RNF43: variants seen among roughly 807,000 people sequenced by gnomAD.
RNF43 encodes E3 ubiquitin-protein ligase RNF43.
In RNF43, 37 loss-of-function variants were observed where a neutral mutation model predicts 78.4. The ratio of observed to expected loss-of-function variants is 0.47; its 90% CI spans 0.36 to 0.62. The LOEUF (loss-of-function observed/expected upper bound fraction) is 0.62. RNF43 is among the 20% of genes least tolerant of loss of function. The pLI, the probability that RNF43 is intolerant of heterozygous loss-of-function variation, is 0.00. For synonymous variants in RNF43, 347 were observed against 395.0 expected (o/e 0.88, Z 1.44); for missense variants, 774 against 1,007.9 (o/e 0.77, Z 3.14).
chr17:58,393,135 C>T (rs148815777), intron 2 of RNF43, among the ~76,000 whole-genome samples: 4 of 152,290 alleles, frequency 2.6e-5, no homozygotes, highest in East Asian at 1.9e-4. Context: ...GGGCCAGGCA[C>T]GGTGACTTAT....
rs994944523 is a variant in RNF43, at chr17:58,354,863, T to C, written c.*80A>G. The C allele has an allele frequency of 1.6e-5, 20 of 1,284,490 alleles. No homozygotes were observed. The African/African-American group carries it at 2.8e-4, about 18-fold the overall frequency. The allele number at this position is 1,284,490 out of a possible 1,614,324, so 79.6% of individuals were successfully genotyped here. ...TGGTGTTTGCTGTGGTCCTTTCCTT[T>C]CCCAGGAGCAGGACTCTGTGCCAGG... On this transcript the variant is annotated 3_prime_UTR_variant, in exon 10 of 10. Coordinates refer to ENST00000407977, the MANE Select transcript of RNF43 (RefSeq NM_017763.6).
intron 2 of RNF43, among the ~76,000 whole-genome samples, chr17:58,398,229 G>A (rs1185728827): frequency 1.3e-5 from 2 of 152,094 alleles, no homozygotes; most frequent in Non-Finnish European, 2.9e-5. Context: ...CAATGTATTG[G>A]TGCACTTTCC....
intron 2 of RNF43, among the ~76,000 whole-genome samples, chr17:58,383,909 C>A (rs1371999327): frequency 6.6e-6 from 1 of 152,198 alleles, no homozygotes; most frequent in African/African-American, 2.4e-5. Flanking sequence ...TGAGCTACTG[C>A]GCCCAGCTAA....
Position 58,354,861 on chromosome 17 carries a change from T to C in RNF43, c.*82A>G. The C allele has an allele frequency of 7.8e-7, 1 of 1,277,110 alleles. No individual in the cohort carries two copies. The allele number at this position is 1,277,110 out of a possible 1,614,324, so 79.1% of individuals were successfully genotyped here. ...AATGGTGTTTGCTGTGGTCCTTTCC[T>C]TTCCCAGGAGCAGGACTCTGTGCCA... On this transcript the variant is annotated 3_prime_UTR_variant, in exon 10 of 10. Transcript: ENST00000407977.
At chr17:58,378,011 G>A (rs921591243) in intron 2 of RNF43, among the ~76,000 whole-genome samples, 3 of 152,058 alleles carry the variant, frequency 2.0e-5, no homozygotes, top group Non-Finnish European at 4.4e-5. Flanking sequence ...TCCGGATCCC[G>A]GCACCAGAAT....
At chr17:58,406,616 T>C (rs571741608) in intron 2 of RNF43, among the ~76,000 whole-genome samples, 3 of 152,264 alleles carry the variant, frequency 2.0e-5, no homozygotes, top group East Asian at 3.9e-4. Context: ...AGATCATCAA[T>C]ATAATTCCAG....
chr17:58,359,496 C>A (rs976990245), intron 8 of RNF43, among the ~76,000 whole-genome samples: 31 of 151,576 alleles, frequency 2.0e-4, no homozygotes, highest in African/African-American at 7.3e-4. Context: ...CCCAGCTACT[C>A]CGGAGGCTGA....
At chr17:58,414,118 TAGCAA>T (rs1224361644) in intron 2 of RNF43, among the ~76,000 whole-genome samples, 7 of 152,242 alleles carry the variant, frequency 4.6e-5, no homozygotes, top group Non-Finnish European at 8.8e-5. Context: ...TTTTTCTAAA[TAGCAA>T]AGCCTTCCAT....
chr17:58,396,903 T>C (rs1973693176), intron 2 of RNF43, among the ~76,000 whole-genome samples: 1 of 152,174 alleles, frequency 6.6e-6, no homozygotes, highest in African/African-American at 2.4e-5. Flanking sequence ...CAAATAATTC[T>C]CTGTCACTGG....
At chr17:58,371,960 G>C (rs1468875754) in intron 2 of RNF43, among the ~76,000 whole-genome samples, 1 of 152,214 alleles carries the variant, frequency 6.6e-6, no homozygotes, top group African/African-American at 2.4e-5. Flanking sequence ...AAATGTCAGA[G>C]TGCAATGAGA....
chr17:58,383,720 C>T (rs1013234160), intron 2 of RNF43, among the ~76,000 whole-genome samples: 2 of 152,186 alleles, frequency 1.3e-5, no homozygotes, highest in African/African-American at 2.4e-5. Context: ...CGCGTTCAAG[C>T]GATTCTCCAG....
chr17:58,369,066 C>CAT (rs1973020717), intron 3 of RNF43, among the ~76,000 whole-genome samples: 1 of 150,678 alleles, frequency 6.6e-6, no homozygotes, highest in Admixed American at 6.6e-5. Context: ...CTCTCTCTCT[C>CAT]ATACACACAC....
intron 3 of RNF43, among the ~76,000 whole-genome samples, chr17:58,365,135 T>C (rs1474776538): frequency 6.6e-6 from 1 of 152,186 alleles, no homozygotes; most frequent in Admixed American, 6.5e-5. Context: ...GGTTCATGGC[T>C]TCCATCTTCC....
rs577088818 is a variant in RNF43 at position 58,355,868 on chromosome 17, T to G, written c.2309-882A>C. On this transcript the variant is annotated intron_variant, in intron 9 of 9. Transcript: ENST00000407977. ...AGGGAAGAGCTAGGAGGCTCCTGCA[T>G]GGATCTTTAGGGTATACCTAAGACA... is the stretch of plus-strand genomic sequence containing the variant. 3.9e-5 allele frequency among the ~76,000 whole-genome samples: 6 copies of G among 152,340 alleles called. 1 individual carries two copies. In the South Asian group the frequency reaches 1.2e-3, roughly 32 times the overall value.
rs562866446 is a variant in RNF43 at position 58,357,045 on chromosome 17, C to T, written c.2308+423G>A. On this transcript the variant is annotated intron_variant, in intron 9 of 9. Transcript: ENST00000407977. The surrounding 1 kb of genome is among the most constrained non-coding windows in gnomAD (Gnocchi z 4.5). ...AGTAGCTGGGATTATAAGTGCCCGC[C>T]ACCATACCCGGCTAATTTTTGTATT... 3 of 603,266 alleles carry T rather than the reference C, an allele frequency of 5.0e-6. No homozygotes were observed. Among genetic ancestry groups the T allele is most frequent in the East Asian group, 2.8e-5 (1 of 36,286 alleles). 37.4% of individuals were successfully genotyped at this position (603,266 alleles called of 1,614,324 possible).
At chr17:58,362,768 C>T (rs927618216) in intron 5 of RNF43, 120 bp from the exon 6 acceptor site, 8 of 692,846 alleles carry the variant, frequency 1.2e-5, no homozygotes, top group African/African-American at 1.1e-4. Flanking sequence ...AGTCCTCCAT[C>T]TGAGGGGATG....
At position 58,360,168 on chromosome 17, in the gene RNF43, G is replaced by C. The variant is rs998176403; in HGVS notation, c.933C>G (p.Leu311=). The change falls in exon 8 of 10, where the codon CTC becomes CTG. Residue 311 remains leucine (L), a synonymous_variant. Coordinates refer to ENST00000407977, the MANE Select transcript of RNF43 (RefSeq NM_017763.6). This position sits in a 1 kb window ranked among gnomAD's most constrained non-coding sequence, Gnocchi z 4.3. ...PWLHQHRTCP[L]CMFNITEGDS... Reference sequence around the variant, plus strand: ...TCCTACCTGTGATGTTGAACATGCAGAGGGGGCAAGTCCGATGCTGATGTA... The same window carrying C: ...TCCTACCTGTGATGTTGAACATGCACAGGGGGCAAGTCCGATGCTGATGTA... 1 of 1,613,844 alleles carries C rather than the reference G, an allele frequency of 6.2e-7. No individual in the cohort carries two copies. The highest frequency in any genetic ancestry group is 8.5e-7 in the Non-Finnish European group (1 of 1,179,816).
At chr17:58,415,302 G>T in intron 2 of RNF43, 24 bp downstream of exon 2, 1 of 1,612,758 alleles carries the variant, frequency 6.2e-7, no homozygotes, top group Non-Finnish European at 8.5e-7. Context: ...GATGGAAAGT[G>T]AAATATAATA....
chr17:58,368,088 C>A (rs917967187), intron 3 of RNF43, among the ~76,000 whole-genome samples: 1 of 152,202 alleles, frequency 6.6e-6, no homozygotes, highest in African/African-American at 2.4e-5. Context: ...AAGCCCAGGG[C>A]TATCTGGCTT....
Sources: allele counts gnomAD v4.1 joint callset (sites outside exome capture counted in the v4.1 genomes callset), GRCh38; gene constraint gnomAD v4.1.1; non-coding constraint Gnocchi (gnomAD v3.1); transcripts MANE v1.5; gene names NCBI Gene and HGNC (gene_info 2026-07-23, HGNC 2026-07-21).